Variants in SPATA13 observed in about 807,000 individuals in gnomAD.
The protein encoded by SPATA13 is spermatogenesis associated 13.
SPATA13 carries 50 observed loss-of-function variants against 104.0 expected under a neutral mutation model. The observed-to-expected ratio is 0.48, with a 90% CI of 0.38 to 0.61. The LOEUF (loss-of-function observed/expected upper bound fraction) is 0.61, where lower values mean the gene tolerates loss of function less well. SPATA13 is among the 20% of genes least tolerant of loss of function. The pLI, the probability that SPATA13 is intolerant of heterozygous loss-of-function variation, is 0.00. For synonymous variants in SPATA13, 606 were observed against 667.5 expected, an observed-to-expected ratio of 0.91 and a Z score of 1.42; for missense variants, 1,524 against 1,690.6, an observed-to-expected ratio of 0.90 and a Z score of 1.73.
At chr13:24,108,205 G>A (rs920110997) in intron 3 of SPATA13, among the ~76,000 whole-genome samples, 7 of 152,204 alleles carry the variant, frequency 4.6e-5, no homozygotes, top group Non-Finnish European at 7.3e-5. Flanking sequence ...CTCCACCCTC[G>A]TGATTTAATC....
chr13:24,229,334 A>G (rs903665197), intron 2 of SPATA13, among the ~76,000 whole-genome samples: 2 of 152,202 alleles, frequency 1.3e-5, no homozygotes, highest in Non-Finnish European at 2.9e-5. Flanking sequence ...GTCTCTTGGC[A>G]CATGTTTCTA....
chr13:24,245,241 G>T (rs1425128489), intron 2 of SPATA13, among the ~76,000 whole-genome samples: 1 of 151,780 alleles, frequency 6.6e-6, no homozygotes, highest in Non-Finnish European at 1.5e-5. Context: ...ACATTCCCTG[G>T]AATGAACCTG....
chr13:24,157,423 G>C (rs1429610598), upstream of SPATA13, among the ~76,000 whole-genome samples: 52 of 152,106 alleles, frequency 3.4e-4, no homozygotes, highest in South Asian at 0.01. Flanking sequence ...CTTAGCCTCC[G>C]GAGTAGCTGG....
At chr13:24,033,210 T>C (rs1877543631) in intron 3 of SPATA13, among the ~76,000 whole-genome samples, 1 of 152,012 alleles carries the variant, frequency 6.6e-6, no homozygotes, top group Non-Finnish European at 1.5e-5. Context: ...GCCACCAAAT[T>C]GGACAGAACT....
intron 3 of SPATA13, among the ~76,000 whole-genome samples, chr13:24,059,388 G>A (rs1465846401): frequency 2.0e-5 from 3 of 146,880 alleles, no homozygotes; most frequent in African/African-American, 7.3e-5. Flanking sequence ...TACTAATGTA[G>A]AGGGAGTGCC....
chr13:23,980,431 T>A (rs1874831224), intron 1 of SPATA13, among the ~76,000 whole-genome samples: 1 of 152,232 alleles, frequency 6.6e-6, no homozygotes, highest in Non-Finnish European at 1.5e-5. Context: ...TTGGTGTGTG[T>A]GTCTGTCGGT....
chr13:24,194,707 G>A (rs1869954235), intron 1 of SPATA13, among the ~76,000 whole-genome samples: 1 of 152,160 alleles, frequency 6.6e-6, no homozygotes, highest in African/African-American at 2.4e-5. Context: ...TTATTCTATG[G>A]CTGAATCATT....
At position 24,237,153 on chromosome 13, in the gene SPATA13, C is replaced by T. The variant is rs150183321; in HGVS notation, c.1654-12324C>T. On this transcript the variant is annotated intron_variant, in intron 2 of 12. Transcript: ENST00000382108. ...TGGGTGAATCATGAGGTCAGGAGTTCGAGACCAGCCTGGCCAACATGGTGA... is the reference window on the plus strand; with the variant it reads ...TGGGTGAATCATGAGGTCAGGAGTTTGAGACCAGCCTGGCCAACATGGTGA... Among the ~76,000 whole-genome samples, 65 of 152,122 alleles carry T rather than the reference C, an allele frequency of 4.3e-4. No individual in the cohort carries two copies. The East Asian group carries it at 0.012, about 28-fold the overall frequency.
In SPATA13 at chr13:24,011,132, C is replaced by G. The variant is rs560666080; in HGVS notation, c.-146-6535C>G. Reference sequence around the variant, plus strand: ...CCTGACCACCTGGCCGTGGGCCCCTCCCTGTAGAGCCACACTGCAGGAAAA... The same window carrying G: ...CCTGACCACCTGGCCGTGGGCCCCTGCCTGTAGAGCCACACTGCAGGAAAA... On this transcript the variant is annotated intron_variant, in intron 2 of 14. Transcript: ENST00000424834. The surrounding 1 kb of genome is among the most constrained non-coding windows in gnomAD (Gnocchi z 4.3). 6.6e-6 allele frequency among the ~76,000 whole-genome samples: 1 copy of G among 152,264 alleles called. No individual in the cohort carries two copies. The highest frequency in any genetic ancestry group is 1.9e-4 in the East Asian group (1 of 5,148).
rs1566149736 is a variant in SPATA13, at chr13:24,205,589, A to G, written c.-111-17230A>G. On this transcript the variant is annotated intron_variant, in intron 1 of 12. Coordinates refer to ENST00000382108, the MANE Select transcript of SPATA13 (RefSeq NM_001166271.3). The surrounding 1 kb of genome is among the most constrained non-coding windows in gnomAD (Gnocchi z 4.1). ...ACAGAATTAGAAAAAAACTATTTTA[A>G]AATTCATGTGGACCAAAAAAGAGCC... 1.3e-5 allele frequency among the ~76,000 whole-genome samples: 2 copies of G among 152,216 alleles called. No individual in the cohort carries two copies. Among genetic ancestry groups the G allele is most frequent in the African/African-American group, 4.8e-5 (2 of 41,456 alleles).
chr13:24,045,132 G>A (rs949181895), intron 3 of SPATA13, among the ~76,000 whole-genome samples: 63 of 151,972 alleles, frequency 4.1e-4, no homozygotes, highest in Non-Finnish European at 8.5e-4. Context: ...ATCACTCATT[G>A]CCAATCCTTC....
chr13:24,207,546 C>T (rs1383171823), intron 1 of SPATA13, among the ~76,000 whole-genome samples: 1 of 99,222 alleles, frequency 1.0e-5, no homozygotes, highest in African/African-American at 3.6e-5. Flanking sequence ...TTTCCACCAA[C>T]AGTACACCCG....
intron 3 of SPATA13, among the ~76,000 whole-genome samples, chr13:24,062,186 C>A (rs928309391): frequency 2.0e-5 from 3 of 152,082 alleles, no homozygotes; most frequent in African/African-American, 4.8e-5. Flanking sequence ...ACCTCTGGTA[C>A]AGTGTGGCTG....
At chr13:24,055,890 C>T (rs570342087) in intron 3 of SPATA13, among the ~76,000 whole-genome samples, 8 of 152,296 alleles carry the variant, frequency 5.3e-5, no homozygotes, top group East Asian at 1.9e-4. Flanking sequence ...AAAGTGACCA[C>T]GCTACATTAG....
intron 4 of SPATA13, among the ~76,000 whole-genome samples, chr13:24,269,257 T>A (rs1316183046): frequency 6.6e-6 from 1 of 152,210 alleles, no homozygotes; most frequent in African/African-American, 2.4e-5. Context: ...CTTTCCCTAA[T>A]TTTGTTATGG....
upstream of SPATA13, among the ~76,000 whole-genome samples, chr13:24,157,801 C>T (rs1356871011): frequency 3.3e-5 from 5 of 152,192 alleles, no homozygotes; most frequent in African/African-American, 1.2e-4. Flanking sequence ...GCTCACAGCA[C>T]TGCTTTGTTC....
intron 2 of SPATA13, among the ~76,000 whole-genome samples, chr13:24,243,746 G>A (rs1226619520): frequency 2.0e-5 from 3 of 152,126 alleles, no homozygotes; most frequent in African/African-American, 7.2e-5. Context: ...CAACTGCCAA[G>A]GTGTATTCCT....
intron 2 of SPATA13, among the ~76,000 whole-genome samples, chr13:23,992,830 C>G (rs978660772): frequency 2.0e-5 from 3 of 152,214 alleles, no homozygotes; most frequent in African/African-American, 7.2e-5. Flanking sequence ...ACTGTCTAGA[C>G]TGTCCGAAAT....
intron 9 of SPATA13, among the ~76,000 whole-genome samples, chr13:24,292,586 T>G (rs1481567140): frequency 1.3e-5 from 2 of 152,184 alleles, no homozygotes; most frequent in Admixed American, 1.3e-4. Context: ...GAAATTTCTA[T>G]GGCAAACCAC....
Sources: allele counts gnomAD v4.1 joint callset (sites outside exome capture counted in the v4.1 genomes callset), GRCh38; gene constraint gnomAD v4.1.1; non-coding constraint Gnocchi (gnomAD v3.1); transcripts MANE v1.5; gene names NCBI Gene and HGNC (gene_info 2026-07-23, HGNC 2026-07-21).